The following LAMA2 variants were observed in gnomAD, a reference collection of about 807,000 sequenced individuals.
LAMA2 encodes laminin subunit alpha-2.
Under a neutral mutation model 364.8 loss-of-function variants are expected in LAMA2, and 269 were observed. That is an observed-to-expected ratio of 0.74 (90% confidence interval 0.67 to 0.82). The LOEUF (loss-of-function observed/expected upper bound fraction) is 0.82. Among genes scored for constraint, LAMA2 ranks in the 40% least tolerant of loss-of-function variants. The pLI is 0.00. For synonymous variants in LAMA2, 1,379 were observed against 1,370.6 expected (o/e 1.01, Z -0.14); for missense variants, 3,807 against 3,873.2 (o/e 0.98, Z 0.45).
intron 1 of LAMA2, among the ~76,000 whole-genome samples, chr6:128,992,252 T>C (rs200400935): frequency 1.3e-5 from 2 of 152,190 alleles, no homozygotes; most frequent in South Asian, 4.1e-4. Context: ...ACAATGTGGT[T>C]TCCACTAATC....
chr6:128,979,426 G>T (rs967513307), intron 1 of LAMA2, among the ~76,000 whole-genome samples: 2 of 152,098 alleles, frequency 1.3e-5, no homozygotes, highest in African/African-American at 4.8e-5. Context: ...GGACTGCTTT[G>T]ATTTTCCTTT....
rs1372327270 is a variant in LAMA2 at position 129,105,861 on chromosome 6, C to T, written c.639+7446C>T. Among the ~76,000 whole-genome samples, 5 of 152,246 alleles carry T rather than the reference C, an allele frequency of 3.3e-5. No homozygotes were observed. The East Asian group carries it at 9.6e-4, about 29-fold the overall frequency. On this transcript the variant is annotated intron_variant, in intron 4 of 64. Coordinates refer to ENST00000421865, the MANE Select transcript of LAMA2 (RefSeq NM_000426.4). ...CTAGAATTAAAATTATAATATTTTTCTGTTGTATGAGACTTTTCCCTTTCT... is the reference window on the plus strand; with the variant it reads ...CTAGAATTAAAATTATAATATTTTTTTGTTGTATGAGACTTTTCCCTTTCT...
chr6:129,264,845 A>G (rs117259556), intron 15 of LAMA2, among the ~76,000 whole-genome samples: 1 of 152,294 alleles, frequency 6.6e-6, no homozygotes, highest in East Asian at 1.9e-4. Context: ...AGCAGTTTTA[A>G]TTGAGAGGTG....
intron 1 of LAMA2, among the ~76,000 whole-genome samples, chr6:129,022,607 G>A (rs1785512277): frequency 6.6e-6 from 1 of 152,084 alleles, no homozygotes; most frequent in Non-Finnish European, 1.5e-5. Flanking sequence ...GATAAATGTG[G>A]ACAAAATCAA....
At chr6:129,473,459 G>A in intron 52 of LAMA2, 107 bp downstream of exon 52, 1 of 1,134,202 alleles carries the variant, frequency 8.8e-7, no homozygotes, top group South Asian at 1.3e-5. Flanking sequence ...TATAACCCTT[G>A]GTTGCAGAAA....
At chr6:129,071,157 G>A (rs1773280336) in intron 3 of LAMA2, among the ~76,000 whole-genome samples, 1 of 152,036 alleles carries the variant, frequency 6.6e-6, no homozygotes, top group African/African-American at 2.4e-5. Context: ...TAGTTGAGTT[G>A]GGCTTTTCAA....
chr6:128,974,615 G>A (rs1782405906), intron 1 of LAMA2, among the ~76,000 whole-genome samples: 1 of 152,102 alleles, frequency 6.6e-6, no homozygotes, highest in Admixed American at 6.5e-5. Flanking sequence ...ATATTTCCTG[G>A]GTACTCATTC....
In LAMA2 at chr6:129,492,477, G is replaced by A. The variant is rs777772973; in HGVS notation, c.8238G>A (p.Leu2746=). The change falls in exon 58 of 65, where the codon CTG becomes CTA. Residue 2746 remains leucine (L), a synonymous_variant. Transcript: ENST00000421865. ...CCTTTCCTACGCCCACCCCAGTTCTGACACATGTAAGTGTTTATATTATCC... is the reference window on the plus strand; with the variant it reads ...CCTTTCCTACGCCCACCCCAGTTCTAACACATGTAAGTGTTTATATTATCC... The part of the protein sequence containing the change: ...TPAFPTPTPV[L]THGPCAAESE... 2 of 1,613,176 alleles carry A rather than the reference G, an allele frequency of 1.2e-6. No homozygotes were observed. Among genetic ancestry groups the A allele is most frequent in the Admixed American group, 3.3e-5 (2 of 59,992 alleles).
chr6:129,138,645 A>C (rs1266183959), intron 4 of LAMA2, among the ~76,000 whole-genome samples: 1 of 152,164 alleles, frequency 6.6e-6, no homozygotes, highest in East Asian at 1.9e-4. Context: ...TAACATTTAA[A>C]AATATTTCAA....
intron 10 of LAMA2, among the ~76,000 whole-genome samples, chr6:129,186,710 A>G (rs984035483): frequency 1.3e-5 from 2 of 151,658 alleles, no homozygotes; most frequent in Non-Finnish European, 1.5e-5. Flanking sequence ...CAGATCCAGA[A>G]CATGTTGTCT....
intron 1 of LAMA2, chr6:128,905,393 A>T (rs1777375528): frequency 6.6e-6 from 1 of 151,914 alleles, no homozygotes; most frequent in African/African-American, 2.4e-5. Flanking sequence ...TTTCTGTTCC[A>T]TTGCAGGCAT....
intron 1 of LAMA2, among the ~76,000 whole-genome samples, chr6:128,913,189 G>A (rs1161969365): frequency 6.6e-6 from 1 of 152,188 alleles, no homozygotes; most frequent in Non-Finnish European, 1.5e-5. Context: ...CACTGGCATT[G>A]ATGAGTCTAG....
intron 12 of LAMA2, among the ~76,000 whole-genome samples, chr6:129,232,344 G>T (rs1203738659): frequency 2.0e-5 from 3 of 152,058 alleles, no homozygotes; most frequent in Non-Finnish European, 4.4e-5. Flanking sequence ...AGCAGTGTCT[G>T]CCAGGGCTGC....
intron 40 of LAMA2, among the ~76,000 whole-genome samples, chr6:129,427,032 C>A (rs1281664884): frequency 6.6e-6 from 1 of 152,202 alleles, no homozygotes; most frequent in Non-Finnish European, 1.5e-5. Flanking sequence ...TGCTGAGGAG[C>A]AAACACTATT....
At chr6:129,363,754 A>G (rs1000430759) in intron 32 of LAMA2, among the ~76,000 whole-genome samples, 4 of 152,170 alleles carry the variant, frequency 2.6e-5, no homozygotes, top group Admixed American at 2.6e-4. Context: ...AGGATTTCCG[A>G]AAGTCCTACT....
Position 129,328,252 on chromosome 6 carries a change from T to C in LAMA2, c.4177-26T>C, listed in dbSNP as rs936468726. 5 of 1,604,914 alleles carry C rather than the reference T, an allele frequency of 3.1e-6. No individual in the cohort carries two copies. In the East Asian group the frequency reaches 6.7e-5, roughly 21 times the overall value. ...TAATGCAGTATTTCTAACTTTGCTGTCCTAATTGGCTTCCTTTTCTTTCAG... is the reference window on the plus strand; with the variant it reads ...TAATGCAGTATTTCTAACTTTGCTGCCCTAATTGGCTTCCTTTTCTTTCAG... On this transcript the variant is annotated intron_variant, in intron 28 of 64. Coordinates refer to ENST00000421865, the MANE Select transcript of LAMA2 (RefSeq NM_000426.4).
chr6:129,437,785 A>G (rs1047750017), intron 41 of LAMA2, among the ~76,000 whole-genome samples: 1 of 152,048 alleles, frequency 6.6e-6, no homozygotes, highest in Non-Finnish European at 1.5e-5. Flanking sequence ...AGTTTAATGC[A>G]TACCTGAGTA....
intron 4 of LAMA2, among the ~76,000 whole-genome samples, chr6:129,116,426 A>G (rs1276892613): frequency 3.9e-5 from 6 of 152,144 alleles, no homozygotes; most frequent in Admixed American, 2.0e-4. Flanking sequence ...ATTCACCTTA[A>G]AAGATGAAAT....
intron 1 of LAMA2, among the ~76,000 whole-genome samples, chr6:128,912,014 A>G (rs1224382586): frequency 2.6e-5 from 4 of 152,204 alleles, no homozygotes; most frequent in Non-Finnish European, 2.9e-5. Flanking sequence ...CGTTGAATGA[A>G]TGTACCTCCA....
Sources: gnomAD v4.1 joint callset for allele counts (sites outside exome capture counted in the v4.1 genomes callset) on GRCh38, gnomAD v4.1.1 for gene constraint, MANE v1.5 for transcripts, NCBI Gene and HGNC (gene_info 2026-07-23, HGNC 2026-07-21) for gene names.